The following ZNF804A variants were observed in gnomAD, a reference collection of about 807,000 sequenced individuals.
The protein encoded by ZNF804A is zinc finger protein 804A.
A neutral mutation model predicts 16.5 loss-of-function variants in ZNF804A; 2 were observed. That is an observed-to-expected ratio of 0.12 (90% CI 0.05 to 0.38). ZNF804A has a LOEUF of 0.38. ZNF804A is among the 10% of genes least tolerant of loss of function. The pLI, the probability that ZNF804A is intolerant of heterozygous loss-of-function variation, is 0.99. For missense variants in ZNF804A, 1,473 were observed against 1,390.7 expected (o/e 1.06, Z -0.94); for synonymous variants, 534 against 489.6 (o/e 1.09, Z -1.20).
intron 1 of ZNF804A, among the ~76,000 whole-genome samples, chr2:184,804,797 A>G (rs1181186104): frequency 1.3e-5 from 2 of 152,210 alleles, no homozygotes; most frequent in Non-Finnish European, 2.9e-5. Context: ...AGTGAGTTAT[A>G]TCAAGTGCGT....
chr2:184,662,497 CA>C (rs761686653), intron 1 of ZNF804A, among the ~76,000 whole-genome samples: 67 of 152,286 alleles, frequency 4.4e-4, no homozygotes, highest in African/African-American at 9.9e-4. Context: ...AACGTATCAT[CA>C]ACTGGATAAT....
chr2:184,616,302 C>G (rs1691318212), intron 1 of ZNF804A, among the ~76,000 whole-genome samples: 1 of 151,934 alleles, frequency 6.6e-6, no homozygotes, highest in Admixed American at 6.6e-5. Flanking sequence ...GTTTCTGTTT[C>G]TTTGTCTGTA....
chr2:184,786,913 C>T (rs1044518199), intron 1 of ZNF804A, among the ~76,000 whole-genome samples: 1 of 151,686 alleles, frequency 6.6e-6, no homozygotes, highest in East Asian at 1.9e-4. Context: ...CAAATTTCTG[C>T]TATTATTTAA....
chr2:184,900,341 A>G (rs565648205), intron 2 of ZNF804A, among the ~76,000 whole-genome samples: 1 of 152,272 alleles, frequency 6.6e-6, no homozygotes, highest in East Asian at 1.9e-4. Context: ...GCTGCGTATC[A>G]ATGGTGCTAC....
At chr2:184,786,206 C>G (rs1465805665) in intron 1 of ZNF804A, among the ~76,000 whole-genome samples, 1 of 151,956 alleles carries the variant, frequency 6.6e-6, no homozygotes, top group Non-Finnish European at 1.5e-5. Context: ...CCTTTCTAGT[C>G]AGTAAATACT....
intron 2 of ZNF804A, among the ~76,000 whole-genome samples, chr2:184,900,953 T>C (rs1028206798): frequency 6.6e-6 from 1 of 152,194 alleles, no homozygotes; most frequent in African/African-American, 2.4e-5. Flanking sequence ...TGCAACCTAG[T>C]CGTAACTGGC....
chr2:184,860,759 G>A (rs563269165), intron 1 of ZNF804A, among the ~76,000 whole-genome samples: 1 of 152,358 alleles, frequency 6.6e-6, no homozygotes, highest in Admixed American at 6.5e-5. Flanking sequence ...GTCTGCAGGG[G>A]ATTGCCTGGG....
At chr2:184,870,611 T>G (rs1039417646) in intron 2 of ZNF804A, among the ~76,000 whole-genome samples, 8 of 152,056 alleles carry the variant, frequency 5.3e-5, no homozygotes, top group African/African-American at 1.9e-4. Context: ...GTTCACTGTT[T>G]CTTAAAAAAA....
intron 1 of ZNF804A, among the ~76,000 whole-genome samples, chr2:184,613,786 G>T (rs997545749): frequency 6.6e-6 from 1 of 151,956 alleles, no homozygotes; most frequent in Non-Finnish European, 1.5e-5. Flanking sequence ...AATAAGAGAG[G>T]ACACAAACAA....
intron 1 of ZNF804A, among the ~76,000 whole-genome samples, chr2:184,830,377 A>C (rs533229086): frequency 1.9e-4 from 29 of 152,146 alleles, no homozygotes; most frequent in Non-Finnish European, 3.1e-4. Flanking sequence ...TTGAGATATA[A>C]TATGTGATCT....
rs1468046791 is a variant in ZNF804A, at chr2:184,847,789, C to T, written c.112-18580C>T. Among the ~76,000 whole-genome samples, 5 of 152,000 alleles carry T rather than the reference C, an allele frequency of 3.3e-5. No individual in the cohort carries two copies. In the East Asian group the frequency reaches 9.6e-4, roughly 29 times the overall value. ...ACCATTGGCTCTAAATTGGGAGTTTCTAAGACCCCCTCCTCAGGTTTGGTA... is the reference window on the plus strand; with the variant it reads ...ACCATTGGCTCTAAATTGGGAGTTTTTAAGACCCCCTCCTCAGGTTTGGTA... On this transcript the variant is annotated intron_variant, in intron 1 of 3. Transcript: ENST00000302277.
intron 1 of ZNF804A, among the ~76,000 whole-genome samples, chr2:184,865,841 T>C (rs1695870249): frequency 6.6e-6 from 1 of 152,154 alleles, no homozygotes; most frequent in Non-Finnish European, 1.5e-5. Context: ...TAAATTGATA[T>C]GGGTCAGGAT....
At chr2:184,850,435 G>T (rs1035557162) in intron 1 of ZNF804A, among the ~76,000 whole-genome samples, 1 of 151,846 alleles carries the variant, frequency 6.6e-6, no homozygotes, top group Non-Finnish European at 1.5e-5. Flanking sequence ...TAGAATAAAA[G>T]ATATGTACTA....
At chr2:184,853,868 CTTTT>C (rs35756065) in intron 1 of ZNF804A, among the ~76,000 whole-genome samples, 2 of 138,176 alleles carry the variant, frequency 1.4e-5, no homozygotes, top group African/African-American at 5.2e-5. Flanking sequence ...AATTTTGTTT[CTTTT>C]TTTTTTTTTT....
At chr2:184,628,863 T>C (rs1253101025) in intron 1 of ZNF804A, among the ~76,000 whole-genome samples, 1 of 152,212 alleles carries the variant, frequency 6.6e-6, no homozygotes, top group Admixed American at 6.5e-5. Context: ...CATTCTCTGA[T>C]AGCAGTAGGT....
At chr2:184,883,456 G>T (rs1684839875) in intron 2 of ZNF804A, among the ~76,000 whole-genome samples, 1 of 151,894 alleles carries the variant, frequency 6.6e-6, no homozygotes, top group Non-Finnish European at 1.5e-5. Context: ...TCAAAACCTG[G>T]CAGAGACACA....
chr2:184,731,475 C>T (rs1427951322), intron 1 of ZNF804A, among the ~76,000 whole-genome samples: 1 of 151,462 alleles, frequency 6.6e-6, no homozygotes, highest in Non-Finnish European at 1.5e-5. Context: ...TGGATTTCCC[C>T]AGTAACGTAT....
intron 1 of ZNF804A, among the ~76,000 whole-genome samples, chr2:184,654,510 A>G (rs1574148779): frequency 6.6e-6 from 1 of 152,040 alleles, no homozygotes; most frequent in Admixed American, 6.6e-5. Flanking sequence ...ATTGTCATAC[A>G]TTGTTTGGCT....
chr2:184,786,055 T>C (rs1694444571), intron 1 of ZNF804A, among the ~76,000 whole-genome samples: 2 of 152,050 alleles, frequency 1.3e-5, no homozygotes, highest in Non-Finnish European at 2.9e-5. Context: ...AGTAATAATA[T>C]GGAACTGTAA....
Sources: gnomAD v4.1 joint callset for allele counts (sites outside exome capture counted in the v4.1 genomes callset) on GRCh38, gnomAD v4.1.1 for gene constraint, MANE v1.5 for transcripts, NCBI Gene and HGNC (gene_info 2026-07-23, HGNC 2026-07-21) for gene names.